TAP2: variants seen among roughly 807,000 people sequenced by gnomAD.
The protein encoded by TAP2 is transporter 2, ATP binding cassette subfamily B member, also known as antigen peptide transporter 2.
TAP2 carries 49 observed loss-of-function variants against 74.7 expected under a neutral mutation model. That is an observed-to-expected ratio of 0.66 (90% CI 0.52 to 0.83). The LOEUF is 0.83. Among genes scored for constraint, TAP2 ranks in the 40% least tolerant of loss-of-function variants. The pLI is 0.00. For synonymous variants in TAP2, 306 were observed against 368.4 expected (o/e 0.83, Z 1.94); for missense variants, 739 against 859.0 (o/e 0.86, Z 1.75).
downstream of TAP2, among the ~76,000 whole-genome samples, chr6:32,823,429 A>ATTTTTTTTTTTTTTTTTTTTTTTT (rs9280195): frequency 1.5e-5 from 1 of 64,574 alleles, no homozygotes; most frequent in African/African-American, 7.3e-5. Context: ...GTCACACTCA[A>ATTTTTTTTTTTTTTTTTTTTTTTT]TTTTTTTTTT....
Position 32,828,839 on chromosome 6 carries a change from C to T in TAP2, c.*67G>A, listed in dbSNP as rs1768835394. On this transcript the variant is annotated 3_prime_UTR_variant, in exon 12 of 12. Transcript: ENST00000374897. ...TGGAGACGCCCCTGAGAAGAGGGCC[C>T]AGTATCCCTGGGGCCTCAGTCCATC... 6 of 1,510,472 alleles carry T rather than the reference C, an allele frequency of 4.0e-6. No homozygotes were observed. In the East Asian group the frequency reaches 1.2e-4, roughly 31 times the overall value. The allele number at this position is 1,510,472 out of a possible 1,614,324, so 93.6% of individuals were successfully genotyped here. A position where few individuals can be genotyped will look rare whatever the true frequency, so the allele number is the denominator to read the frequency against.
chr6:32,827,139 G>T lies in TAP2; in HGVS notation c.*1767C>A. 1.0e-6 allele frequency: 1 copy of T among 985,662 alleles called. No homozygotes were observed. The highest frequency in any genetic ancestry group is 1.2e-6 in the Non-Finnish European group (1 of 829,944). 61.1% of individuals were successfully genotyped at this position (985,662 alleles called of 1,614,324 possible). On this transcript the variant is annotated 3_prime_UTR_variant, in exon 12 of 12. Transcript: ENST00000374897. The stretch of plus-strand genomic sequence containing the variant: ...AGGCAAGAAAAAATCCAAAACAGCA[G>T]TTCTGGGGAATTCATTGCCAGCACT...
chr6:32,835,868 A>C lies in TAP2; in HGVS notation c.609-95T>G, dbSNP rs941887804. On this transcript the variant is annotated intron_variant, in intron 3 of 11. Coordinates refer to ENST00000374897, the MANE Select transcript of TAP2 (RefSeq NM_001290043.2). This position sits in a 1 kb window ranked among gnomAD's most constrained non-coding sequence, Gnocchi z 4.0. Reference sequence around the variant, plus strand: ...GCAAGCCAGGAGTGCAGAGAAGCGCAAAGTCAGGGGAAAGCATGCCAGGAG... The same window carrying C: ...GCAAGCCAGGAGTGCAGAGAAGCGCCAAGTCAGGGGAAAGCATGCCAGGAG... The C allele has an allele frequency of 3.2e-6, 5 of 1,549,248 alleles. No homozygotes were observed. The South Asian group carries it at 5.6e-5, about 17-fold the overall frequency.
At chr6:32,829,673 A>G (rs1195851849) in intron 10 of TAP2, 137 bp from the exon 11 acceptor site, 1 of 1,386,736 alleles carries the variant, frequency 7.2e-7, no homozygotes. Context: ...GCCCAGTGGG[A>G]GGAGGGCCAT....
chr6:32,836,791 A>G (rs1251317752), intron 3 of TAP2, among the ~76,000 whole-genome samples: 1 of 152,246 alleles, frequency 6.6e-6, no homozygotes, highest in Non-Finnish European at 1.5e-5. Context: ...TATGCAGTGC[A>G]CGACTGTAGT....
At position 32,832,917 on chromosome 6, in the gene TAP2, C is replaced by T; in HGVS notation, c.946-93G>A. 7.4e-7 allele frequency: 1 copy of T among 1,349,626 alleles called. No homozygotes were observed. The highest frequency in any genetic ancestry group is 1.0e-6 in the Non-Finnish European group (1 of 960,792). 83.6% of individuals were successfully genotyped at this position (1,349,626 alleles called of 1,614,324 possible). A position where few individuals can be genotyped will look rare whatever the true frequency, so the allele number is the denominator to read the frequency against. On this transcript the variant is annotated intron_variant, in intron 5 of 11. Transcript: ENST00000374897. This position sits in a 1 kb window ranked among gnomAD's most constrained non-coding sequence, Gnocchi z 5.9. ...AGCCAGTGAGATGCTCCCTAGTCTA[C>T]CTAAAAATACCAAACTGTTTCTCTC...
In TAP2 at chr6:32,832,706, T is replaced by C. The variant is rs1769169141; in HGVS notation, c.1064A>G (p.Tyr355Cys). The C allele has an allele frequency of 1.2e-6, 2 of 1,613,090 alleles. No homozygotes were observed. The highest frequency in any genetic ancestry group is 2.2e-5 in the South Asian group (2 of 91,086). The part of the protein sequence containing the change: ...FGAEEHEVCR[Y>C]KEALEQCRQL... ...CCGACATTGTTCAAGGGCCTCTTTA[T>C]AGCGACAGACTTCATGCTCCTCGGC... The change falls in exon 6 of 12, where the codon TAT becomes TGT. Residue 355 changes from tyrosine to cysteine, a missense_variant. Transcript: ENST00000374897. This position sits in a 1 kb window ranked among gnomAD's most constrained non-coding sequence, Gnocchi z 5.9.
chr6:32,827,372 C>G lies in TAP2; in HGVS notation c.*1534G>C. 2 of 976,296 alleles carry G rather than the reference C, an allele frequency of 2.0e-6. No homozygotes were observed. Among genetic ancestry groups the G allele is most frequent in the Non-Finnish European group, 2.4e-6 (2 of 821,760 alleles). The allele number at this position is 976,296 out of a possible 1,614,324, so 60.5% of individuals were successfully genotyped here. On this transcript the variant is annotated 3_prime_UTR_variant, in exon 12 of 12. Transcript: ENST00000374897. ...TATTTATTCTCCACTATGAATTAGG[C>G]CCTCGGCCAGGTAGCAGATATAAAG...
At position 32,830,305 on chromosome 6, in the gene TAP2, G is replaced by T. The variant is rs1459502678; in HGVS notation, c.1597C>A (p.Pro533Thr). The change falls in exon 9 of 12, where the codon CCC becomes ACC. Residue 533 changes from proline (P) to threonine (T), a missense_variant. Transcript: ENST00000374897. ...TGGQVLLDEK[P>T]ISQYEHCYLH... ...TAGCAGTGTTCATACTGTGAGATGG[G>T]CTTTTCATCCAGCAGCACCTGTCCC... The T allele has an allele frequency of 1.9e-6, 3 of 1,612,948 alleles. No homozygotes were observed. Among genetic ancestry groups the T allele is most frequent in the African/African-American group, 2.7e-5 (2 of 74,896 alleles).
In TAP2 at chr6:32,832,710, G is replaced by A. The variant is rs897741207; in HGVS notation, c.1060C>T (p.Arg354Cys). The A allele has an allele frequency of 3.1e-6, 5 of 1,612,870 alleles. No individual in the cohort carries two copies. Among genetic ancestry groups the A allele is most frequent in the African/African-American group, 2.7e-5 (2 of 74,860 alleles). The change falls in exon 6 of 12, where the codon CGC becomes TGC. Residue 354 changes from arginine (R) to cysteine (C), a missense_variant. Physicochemically the swap from Arg to Cys is radical, Grantham distance 180 (BLOSUM62 -3). Coordinates refer to ENST00000374897, the MANE Select transcript of TAP2 (RefSeq NM_001290043.2). This position sits in a 1 kb window ranked among gnomAD's most constrained non-coding sequence, Gnocchi z 5.9. ...CATTGTTCAAGGGCCTCTTTATAGCGACAGACTTCATGCTCCTCGGCCCCA... is the reference window on the plus strand; with the variant it reads ...CATTGTTCAAGGGCCTCTTTATAGCAACAGACTTCATGCTCCTCGGCCCCA... ...SFGAEEHEVC[R>C]YKEALEQCRQ...
chr6:32,822,393 T>C (rs1768340149), downstream of TAP2: 1 of 979,054 alleles, frequency 1.0e-6, no homozygotes, highest in Admixed American at 2.8e-5. Flanking sequence ...CTGTTTGCAA[T>C]GTTTTATTTA....
In TAP2 at chr6:32,832,907, C is replaced by T; in HGVS notation, c.946-83G>A. 7.0e-7 allele frequency: 1 copy of T among 1,426,098 alleles called. No homozygotes were observed. The highest frequency in any genetic ancestry group is 9.8e-7 in the Non-Finnish European group (1 of 1,025,342). 88.3% of individuals were successfully genotyped at this position (1,426,098 alleles called of 1,614,324 possible). ...ATCTTACTCCAGCCAGTGAGATGCTCCCTAGTCTACCTAAAAATACCAAAC... is the reference window on the plus strand; with the variant it reads ...ATCTTACTCCAGCCAGTGAGATGCTTCCTAGTCTACCTAAAAATACCAAAC... On this transcript the variant is annotated intron_variant, in intron 5 of 11. Coordinates refer to ENST00000374897, the MANE Select transcript of TAP2 (RefSeq NM_001290043.2). The surrounding 1 kb of genome is among the most constrained non-coding windows in gnomAD (Gnocchi z 5.9).
Position 32,828,927 on chromosome 6 carries a change from C to T in TAP2, c.2040G>A (p.Leu680=). 1.3e-6 allele frequency: 2 copies of T among 1,545,722 alleles called. No homozygotes were observed. The highest frequency in any genetic ancestry group is 2.4e-5 in the East Asian group (1 of 40,896). ...CCTCCTAGAGCTGGGCAAGCTTCTG[C>T]AGCTTGCCCTCCTGGAGCACCAGGA... ...HQILVLQEGK[L]QKLAQL Residue 680 remains leucine, a synonymous_variant, in exon 12 of 12, where the codon CTG becomes CTA. Transcript: ENST00000374897.
At chr6:32,822,149 T>G, downstream of TAP2, 1 of 713,814 alleles carries the variant, frequency 1.4e-6, no homozygotes, top group Non-Finnish European at 2.4e-6. Context: ...CGAAGTATTG[T>G]TTTACATGTA....
chr6:32,826,801 G>A lies in TAP2; in HGVS notation c.*2105C>T. 2.0e-6 allele frequency: 2 copies of A among 985,418 alleles called. No individual in the cohort carries two copies. The highest frequency in any genetic ancestry group is 2.4e-6 in the Non-Finnish European group (2 of 829,926). The allele number at this position is 985,418 out of a possible 1,614,324, so 61.0% of individuals were successfully genotyped here. On this transcript the variant is annotated 3_prime_UTR_variant, in exon 12 of 12. Coordinates refer to ENST00000374897, the MANE Select transcript of TAP2 (RefSeq NM_001290043.2). ...CCTTCCAGGCTTAAAGTATTATGAT[G>A]CATGGGTATAACTGTACTGAGGAAA...
Position 32,828,691 on chromosome 6 carries a change from A to AACCCCCCCCC in TAP2, c.*214_*215insGGGGGGGGGT. 6 of 601,210 alleles carry AACCCCCCCCC rather than the reference A, an allele frequency of 1.0e-5. No individual in the cohort carries two copies. Among genetic ancestry groups the AACCCCCCCCC allele is most frequent in the Non-Finnish European group, 1.2e-5 (6 of 510,088 alleles). 37.2% of individuals were successfully genotyped at this position (601,210 alleles called of 1,614,324 possible). On this transcript the variant is annotated 3_prime_UTR_variant, in exon 12 of 12. Transcript: ENST00000374897. ...ACACAGACAGCCCCCACCCCACCCC[A>AACCCCCCCCC]CCCCACCTCTCTACCCCACCAAAAG... is the stretch of plus-strand genomic sequence containing the variant.
intron 5 of TAP2, among the ~76,000 whole-genome samples, chr6:32,833,532 C>T (rs1309255027): frequency 6.6e-6 from 1 of 152,200 alleles, no homozygotes; most frequent in East Asian, 1.9e-4. Context: ...CGAAAAGATG[C>T]TCAATATTTA....
Position 32,838,077 on chromosome 6 carries a change from G to A in TAP2, c.157C>T (p.Leu53=), listed in dbSNP as rs144282514. Residue 53 remains leucine (L), a synonymous_variant, in exon 2 of 12, where the codon CTA becomes TTA. Coordinates refer to ENST00000374897, the MANE Select transcript of TAP2 (RefSeq NM_001290043.2). The stretch of plus-strand genomic sequence containing the variant: ...AATCCCAGCAGCCCTCTTAGCTTTA[G>A]CAGCCCCCACAGCCCTCCCAGCCGC... ...TLRLGGLWGL[L]KLRGLLGFVG... 6.2e-7 allele frequency: 1 copy of A among 1,612,066 alleles called. No individual in the cohort carries two copies. Among genetic ancestry groups the A allele is most frequent in the African/African-American group, 1.3e-5 (1 of 74,672 alleles).
In TAP2 at chr6:32,828,567, C is replaced by T; in HGVS notation, c.*339G>A. 9.9e-7 allele frequency: 1 copy of T among 1,014,772 alleles called. No homozygotes were observed. The highest frequency in any genetic ancestry group is 1.7e-5 in the African/African-American group (1 of 58,468). 62.9% of individuals were successfully genotyped at this position (1,014,772 alleles called of 1,614,324 possible). ...ATTTTCTATATGAATGTATACAGTT[C>T]ATGTAAGAAGGAAAATATTTTAAAA... On this transcript the variant is annotated 3_prime_UTR_variant, in exon 12 of 12. Transcript: ENST00000374897.
Sources: allele counts gnomAD v4.1 joint callset (sites outside exome capture counted in the v4.1 genomes callset), GRCh38; gene constraint gnomAD v4.1.1; non-coding constraint Gnocchi (gnomAD v3.1); transcripts MANE v1.5; gene names NCBI Gene and HGNC (gene_info 2026-07-23, HGNC 2026-07-21).